The following SYNJ2 variants were observed in gnomAD, a reference collection of about 807,000 sequenced individuals.
The protein encoded by SYNJ2 is polyphosphatidylinositol phosphatase SYNJ2.
SYNJ2 carries 116 observed loss-of-function variants against 141.3 expected under a neutral mutation model. That is an observed-to-expected ratio of 0.82 (90% CI 0.71 to 0.96). SYNJ2 has a LOEUF of 0.96. Ranked by LOEUF, SYNJ2 falls within the 40% of genes least tolerant of loss-of-function variation. SYNJ2 has a pLI of 0.00. For synonymous variants in SYNJ2, 745 were observed against 777.7 expected, an observed-to-expected ratio of 0.96 and a Z score of 0.70; for missense variants, 1,873 against 1,934.8, an observed-to-expected ratio of 0.97 and a Z score of 0.60.
chr6:158,059,107 C>A, intron 6 of SYNJ2, 150 bp from the exon 7 acceptor site: 1 of 769,964 alleles, frequency 1.3e-6, no homozygotes, highest in Non-Finnish European at 1.9e-6. Flanking sequence ...GGCTCATTTT[C>A]CACGATTTGG....
chr6:158,050,036 C>A (rs1780481149), intron 5 of SYNJ2, among the ~76,000 whole-genome samples: 1 of 152,218 alleles, frequency 6.6e-6, no homozygotes, highest in African/African-American at 2.4e-5. Flanking sequence ...GTGGACAGGG[C>A]TCTGCAGGTG....
intron 1 of SYNJ2, among the ~76,000 whole-genome samples, chr6:157,995,878 C>G (rs947274176): frequency 6.6e-6 from 1 of 152,140 alleles, no homozygotes; most frequent in African/African-American, 2.4e-5. Flanking sequence ...TGCCACTCCC[C>G]CACAGTTTCT....
intron 4 of SYNJ2, among the ~76,000 whole-genome samples, chr6:158,039,418 G>A (rs182220770): frequency 1.5e-3 from 230 of 152,352 alleles, no homozygotes; most frequent in African/African-American, 5.2e-3. Context: ...TGAGGATCGG[G>A]CTGCGTGGTC....
In SYNJ2 at chr6:158,071,514, G is replaced by T; in HGVS notation, c.1941-88G>T. 1.4e-6 allele frequency: 2 copies of T among 1,470,494 alleles called. No homozygotes were observed. Among genetic ancestry groups the T allele is most frequent in the Non-Finnish European group, 1.8e-6 (2 of 1,087,156 alleles). 91.1% of individuals were successfully genotyped at this position (1,470,494 alleles called of 1,614,324 possible). A position where few individuals can be genotyped will look rare whatever the true frequency, so the allele number is the denominator to read the frequency against. ...TGGAGCACTCAGAGCAGCAGGTCCC[G>T]AGCTGCTGCTGGGCCCTTCTCTGTG... On this transcript the variant is annotated intron_variant, in intron 14 of 26. Transcript: ENST00000355585. This position sits in a 1 kb window ranked among gnomAD's most constrained non-coding sequence, Gnocchi z 4.3.
intron 1 of SYNJ2, among the ~76,000 whole-genome samples, chr6:158,012,430 G>A (rs906954889): frequency 1.6e-4 from 24 of 152,210 alleles, no homozygotes; most frequent in Non-Finnish European, 2.4e-4. Flanking sequence ...TGTGAGGATG[G>A]AAGAGGGATC....
At chr6:158,014,648 G>A (rs947876688) in intron 1 of SYNJ2, among the ~76,000 whole-genome samples, 1 of 152,198 alleles carries the variant, frequency 6.6e-6, no homozygotes, top group Non-Finnish European at 1.5e-5. Context: ...CTGGTCTTAC[G>A]GTCTGTCCCG....
intron 4 of SYNJ2, among the ~76,000 whole-genome samples, chr6:158,039,957 G>T (rs1779852646): frequency 2.0e-5 from 3 of 152,200 alleles, no homozygotes; most frequent in Admixed American, 6.5e-5. Context: ...CGGCTGTGCG[G>T]TCATCGTCTG....
At chr6:158,082,487 CAAAAAAAAAAAAAA>C (rs769884420) in intron 20 of SYNJ2, among the ~76,000 whole-genome samples, 2 of 75,314 alleles carry the variant, frequency 2.7e-5, no homozygotes, top group African/African-American at 6.1e-5. Flanking sequence ...ACTCTGTCTC[CAAAAAAAAAAAAAA>C]AAAAAAAAAA....
At chr6:158,081,558 C>A (rs173263) in intron 20 of SYNJ2, 48 bp downstream of exon 20, 1,215,287 of 1,445,198 alleles carry the variant, frequency 0.84, 514,564 homozygotes, top group African/African-American at 0.95. Context: ...ATCAATCCCT[C>A]TTTTTATGTG....
Position 158,069,598 on chromosome 6 carries a change from T to G in SYNJ2, c.1865T>G (p.Ile622Ser). ...GCCATCTCACGCTCTCATAGATACATTCTGTTGACTTCGGCACAGCTGGTG... is the reference window on the plus strand; with the variant it reads ...GCCATCTCACGCTCTCATAGATACAGTCTGTTGACTTCGGCACAGCTGGTG... ...QKAISRSHRYILLTSAQLVGV... is the reference protein window; with the variant it reads ...QKAISRSHRYSLLTSAQLVGV... The change falls in exon 14 of 27, where the codon ATT (isoleucine) becomes AGT (serine). Residue 622 changes from isoleucine to serine, a missense_variant. Coordinates refer to ENST00000355585, the MANE Select transcript of SYNJ2 (RefSeq NM_003898.4). 2 of 1,614,140 alleles carry G rather than the reference T, an allele frequency of 1.2e-6. No homozygotes were observed. The highest frequency in any genetic ancestry group is 1.7e-6 in the Non-Finnish European group (2 of 1,179,978).
chr6:158,034,669 G>A (rs1441192257), intron 4 of SYNJ2, among the ~76,000 whole-genome samples: 2 of 152,230 alleles, frequency 1.3e-5, no homozygotes. Context: ...CAGAATGTCT[G>A]CACTGTGGAT....
intron 17 of SYNJ2, chr6:158,077,818 G>T: frequency 5.7e-6 from 1 of 176,076 alleles, no homozygotes; most frequent in Non-Finnish European, 1.2e-5. Context: ...GAGTCCGAGT[G>T]TTCTCAGCTC....
chr6:158,000,834 C>G (rs1370365910), intron 1 of SYNJ2, among the ~76,000 whole-genome samples: 1 of 152,162 alleles, frequency 6.6e-6, no homozygotes, highest in Admixed American at 6.5e-5. Flanking sequence ...ATGGTGGAGG[C>G]GGGGTAGACA....
chr6:158,061,803 C>A (rs1027989574), intron 7 of SYNJ2, among the ~76,000 whole-genome samples, 189 bp from the exon 8 acceptor site: 3 of 150,618 alleles, frequency 2.0e-5, no homozygotes, highest in African/African-American at 2.4e-5. Flanking sequence ...TGGGTTTTGT[C>A]CCCCCAGGGC....
chr6:158,076,336 G>A (rs138189258), intron 16 of SYNJ2, among the ~76,000 whole-genome samples: 1,595 of 152,232 alleles, frequency 0.01, 32 homozygotes, highest in African/African-American at 0.036. Context: ...CCCGTGCCTC[G>A]GACCCTGCAC....
chr6:158,059,744 G>T (rs549188752), intron 7 of SYNJ2, among the ~76,000 whole-genome samples: 1 of 152,056 alleles, frequency 6.6e-6, no homozygotes, highest in East Asian at 1.9e-4. Flanking sequence ...TAGTAGAGAC[G>T]GGGTTTCACC....
At position 158,043,456 on chromosome 6, in the gene SYNJ2, C is replaced by A; in HGVS notation, c.795+57C>A. ...GTGATGTTGTCCGCCCTGCCCTTCCCTTCAATAGCTGGGGAAGATTTCTTT... is the reference window on the plus strand; with the variant it reads ...GTGATGTTGTCCGCCCTGCCCTTCCATTCAATAGCTGGGGAAGATTTCTTT... On this transcript the variant is annotated intron_variant, in intron 5 of 26. Transcript: ENST00000355585. This position sits in a 1 kb window ranked among gnomAD's most constrained non-coding sequence, Gnocchi z 4.0. 8.0e-7 allele frequency: 1 copy of A among 1,250,620 alleles called. No individual in the cohort carries two copies. The highest frequency in any genetic ancestry group is 1.3e-5 in the South Asian group (1 of 79,776). 77.5% of individuals were successfully genotyped at this position (1,250,620 alleles called of 1,614,324 possible).
chr6:157,981,998 C>A lies in SYNJ2; in HGVS notation c.37C>A (p.Leu13Met). The A allele has an allele frequency of 1.6e-6, 2 of 1,284,634 alleles. No homozygotes were observed. Among genetic ancestry groups the A allele is most frequent in the Non-Finnish European group, 2.0e-6 (2 of 1,017,188 alleles). 79.6% of individuals were successfully genotyped at this position (1,284,634 alleles called of 1,614,324 possible). ...CAAAGGGCTGCGGCTGCTGGGGCGC[C>A]TGGGGGCCGAGGGGGACTGTAGCGT... ...LSKGLRLLGR[L>M]GAEGDCSVLL... Residue 13 changes from leucine (L) to methionine (M), a missense_variant, in exon 1 of 27, where the codon CTG becomes ATG. Coordinates refer to ENST00000355585, the MANE Select transcript of SYNJ2 (RefSeq NM_003898.4). This position sits in a 1 kb window ranked among gnomAD's most constrained non-coding sequence, Gnocchi z 6.4.
intron 12 of SYNJ2, among the ~76,000 whole-genome samples, chr6:158,066,995 T>G (rs1472990519): frequency 8.5e-5 from 13 of 152,120 alleles, no homozygotes; most frequent in Admixed American, 8.5e-4. Context: ...TTCGGTGTTT[T>G]GTTTTTGTTT....
Sources: gnomAD v4.1 joint callset for allele counts (sites outside exome capture counted in the v4.1 genomes callset) on GRCh38, gnomAD v4.1.1 for gene constraint, Gnocchi (gnomAD v3.1) non-coding constraint, MANE v1.5 for transcripts, NCBI Gene and HGNC (gene_info 2026-07-23, HGNC 2026-07-21) for gene names.